OPRM1: variants seen among roughly 807,000 people sequenced by gnomAD.
The protein encoded by OPRM1 is mu-type opioid receptor.
OPRM1 carries 27 observed loss-of-function variants against 31.8 expected under a neutral mutation model. The ratio of observed to expected loss-of-function variants is 0.85; its 90% CI spans 0.63 to 1.17. The LOEUF is 1.17. OPRM1 is among the 50% of genes most tolerant of loss of function. The probability of loss-of-function intolerance (pLI) is 0.00; values close to 1 mark genes in which losing one functional copy is unlikely to be tolerated. For synonymous variants in OPRM1, 196 were observed against 189.9 expected (o/e 1.03, Z -0.26); for missense variants, 536 against 511.1 (o/e 1.05, Z -0.47).
chr6:154,067,553 A>G (rs986361299), intron 1 of OPRM1, among the ~76,000 whole-genome samples: 3 of 151,780 alleles, frequency 2.0e-5, no homozygotes, highest in African/African-American at 7.2e-5. Context: ...TTAATTTATT[A>G]AGATTTAATT....
chr6:154,157,868 T>C (rs6902403), intron 3 of OPRM1: 89,089 of 152,130 alleles, frequency 0.59, 26,889 homozygotes, highest in African/African-American at 0.72. Flanking sequence ...AAGCACTGCT[T>C]TCCTAAACCA....
At position 154,095,675 on chromosome 6, in the gene OPRM1, T is replaced by C. The variant is rs528386173; in HGVS notation, c.1164+4203T>C. Among the ~76,000 whole-genome samples, 4 of 152,278 alleles carry C rather than the reference T, an allele frequency of 2.6e-5. No homozygotes were observed. The South Asian group carries it at 8.3e-4, about 32-fold the overall frequency. On this transcript the variant is annotated intron_variant, in intron 3 of 3. Coordinates refer to ENST00000330432, the MANE Select transcript of OPRM1 (RefSeq NM_000914.5). ...AAAGAGGTCTTTCCCTAGCTGAGTA[T>C]GAAAAAACAAAAAAGATGGTCTCGT...
chr6:154,211,583 A>G (rs976472801), intron 3 of OPRM1, among the ~76,000 whole-genome samples: 71 of 152,338 alleles, frequency 4.7e-4, no homozygotes, highest in Non-Finnish European at 6.0e-4. Context: ...GACCTAGAAT[A>G]GGAAACAATT....
At position 154,124,308 on chromosome 6, in the gene OPRM1, G is replaced by C. The variant is rs186067921; in HGVS notation, c.*5587G>C. On this transcript the variant is annotated 3_prime_UTR_variant, in exon 4 of 4. Coordinates refer to ENST00000330432, the MANE Select transcript of OPRM1 (RefSeq NM_000914.5). ...GACCTTAGGCAGATATTCAGAGAAAGATCAGTTTTCTATGGGTTTTTTCCA... is the reference window on the plus strand; with the variant it reads ...GACCTTAGGCAGATATTCAGAGAAACATCAGTTTTCTATGGGTTTTTTCCA... Among the ~76,000 whole-genome samples, 26 of 152,290 alleles carry C rather than the reference G, an allele frequency of 1.7e-4. No homozygotes were observed. Among genetic ancestry groups the C allele is most frequent in the African/African-American group, 5.8e-4 (24 of 41,578 alleles).
chr6:154,246,069 T>C (rs895153155), intron 3 of OPRM1, among the ~76,000 whole-genome samples: 11 of 152,074 alleles, frequency 7.2e-5, no homozygotes, highest in Non-Finnish European at 1.6e-4. Flanking sequence ...AAAGCTGGCA[T>C]AGGGGTTAGC....
chr6:154,194,072 G>A (rs1205848792), intron 3 of OPRM1, among the ~76,000 whole-genome samples: 1 of 152,196 alleles, frequency 6.6e-6, no homozygotes, highest in Non-Finnish European at 1.5e-5. Context: ...GCCCAGGGCA[G>A]ATCACTGTTA....
downstream of OPRM1, among the ~76,000 whole-genome samples, chr6:154,133,966 G>A (rs1379431528): frequency 3.3e-5 from 5 of 152,214 alleles, no homozygotes; most frequent in Admixed American, 2.0e-4. Flanking sequence ...TGGTTGACTG[G>A]GACATAGGGT....
At chr6:154,051,532 A>G (rs1368762710) in intron 1 of OPRM1, among the ~76,000 whole-genome samples, 5 of 152,198 alleles carry the variant, frequency 3.3e-5, no homozygotes, top group East Asian at 1.9e-4. Context: ...AGTCTTTCCT[A>G]TAAGAGTTAC....
At chr6:154,213,904 T>C (rs904529083) in intron 3 of OPRM1, among the ~76,000 whole-genome samples, 7 of 152,210 alleles carry the variant, frequency 4.6e-5, no homozygotes, top group African/African-American at 1.4e-4. Flanking sequence ...CGAGATCATG[T>C]CTATCAGTAA....
At chr6:154,145,427 A>T (rs1798335221) in intron 3 of OPRM1, among the ~76,000 whole-genome samples, 1 of 152,258 alleles carries the variant, frequency 6.6e-6, no homozygotes, top group South Asian at 2.1e-4. Context: ...CAAAAAATGA[A>T]ATAGGTGTTA....
At chr6:154,159,640 G>A (rs9479768) in intron 3 of OPRM1, 6,288 of 599,524 alleles carry the variant, frequency 0.01, 275 homozygotes, top group African/African-American at 0.1. Context: ...CAATGGATGC[G>A]TTACGACTGA....
At chr6:154,068,743 C>A (rs1428254022) in intron 1 of OPRM1, among the ~76,000 whole-genome samples, 1 of 152,162 alleles carries the variant, frequency 6.6e-6, no homozygotes, top group Admixed American at 6.5e-5. Context: ...ATTGCTAGAT[C>A]ATATGTTAGT....
intron 3 of OPRM1, among the ~76,000 whole-genome samples, chr6:154,235,933 C>T (rs1169611784): frequency 2.6e-5 from 4 of 152,166 alleles, no homozygotes; most frequent in Admixed American, 2.6e-4. Flanking sequence ...AAATGGAACC[C>T]TTGTGTTCCA....
At chr6:154,215,108 C>T (rs1466503145) in intron 3 of OPRM1, among the ~76,000 whole-genome samples, 1 of 152,144 alleles carries the variant, frequency 6.6e-6, no homozygotes, top group African/African-American at 2.4e-5. Flanking sequence ...CCGTGCTACA[C>T]GTTTATCAAT....
chr6:154,174,792 G>C (rs1800178711), intron 3 of OPRM1, among the ~76,000 whole-genome samples: 1 of 152,098 alleles, frequency 6.6e-6, no homozygotes. Context: ...GGATATCCAG[G>C]ACTTGAACTC....
chr6:154,093,135 G>T (rs896744038), intron 3 of OPRM1: 10 of 701,102 alleles, frequency 1.4e-5, no homozygotes, highest in Non-Finnish European at 2.4e-5. Context: ...TCACCAACCT[G>T]GGGATAACAT....
At position 154,129,708 on chromosome 6, in the gene OPRM1, G is replaced by C. The variant is rs368311754; in HGVS notation, c.*10987G>C. Among the ~76,000 whole-genome samples the C allele has an allele frequency of 6.6e-6, 1 of 152,194 alleles. No individual in the cohort carries two copies. The highest frequency in any genetic ancestry group is 2.1e-4 in the South Asian group (1 of 4,818). Reference sequence around the variant, plus strand: ...TAGTTCAAGGTCTGATGAGCTCCCAGACTGTTGGGGATTGCTCTACAGCTG... The same window carrying C: ...TAGTTCAAGGTCTGATGAGCTCCCACACTGTTGGGGATTGCTCTACAGCTG... On this transcript the variant is annotated 3_prime_UTR_variant, in exon 4 of 4. Coordinates refer to ENST00000330432, the MANE Select transcript of OPRM1 (RefSeq NM_000914.5).
intron 3 of OPRM1, among the ~76,000 whole-genome samples, chr6:154,117,650 A>C (rs1797012782): frequency 6.6e-6 from 1 of 152,120 alleles, no homozygotes; most frequent in African/African-American, 2.4e-5. Context: ...TGCTTTCTTA[A>C]TTGCCTGTGT....
chr6:154,205,824 C>T (rs1207269126), intron 3 of OPRM1, among the ~76,000 whole-genome samples: 1 of 151,974 alleles, frequency 6.6e-6, no homozygotes, highest in Admixed American at 6.5e-5. Context: ...TTGATTATTC[C>T]TTCCTTTCTA....
Sources: gnomAD v4.1 joint callset for allele counts (sites outside exome capture counted in the v4.1 genomes callset) on GRCh38, gnomAD v4.1.1 for gene constraint, MANE v1.5 for transcripts, NCBI Gene and HGNC (gene_info 2026-07-23, HGNC 2026-07-21) for gene names.